CIT: variants seen among roughly 807,000 people sequenced by gnomAD.
CIT encodes the protein citron rho-interacting serine/threonine kinase.
Under a neutral mutation model 272.7 loss-of-function variants are expected in CIT, and 79 were observed. The observed-to-expected ratio is 0.29, with a 90% CI of 0.24 to 0.35. The LOEUF is 0.35. Among genes scored for constraint, CIT ranks in the 10% least tolerant of loss-of-function variants. The probability of loss-of-function intolerance (pLI) is 1.00; values close to 1 mark genes in which losing one functional copy is unlikely to be tolerated. For synonymous variants in CIT, 948 were observed against 995.6 expected (o/e 0.95, Z 0.90); for missense variants, 1,909 against 2,618.3 (o/e 0.73, Z 5.91).
chr12:119,745,949 T>G (rs1178939096), intron 23 of CIT, among the ~76,000 whole-genome samples: 1 of 152,196 alleles, frequency 6.6e-6, no homozygotes. Context: ...ATCTTAATTT[T>G]TTTTCTAAAA....
intron 15 of CIT, 112 bp downstream of exon 15, chr12:119,776,246 T>A (rs1174174390): frequency 2.5e-6 from 2 of 811,448 alleles, no homozygotes; most frequent in East Asian, 4.9e-5. Context: ...CGAAGAGAGG[T>A]CTCTATTCAT....
At chr12:119,738,610 G>A (rs1376430414) in intron 24 of CIT, among the ~76,000 whole-genome samples, 3 of 152,034 alleles carry the variant, frequency 2.0e-5, no homozygotes, top group Non-Finnish European at 2.9e-5. Context: ...TAAGCTGGAC[G>A]TGGTGGCTCA....
intron 23 of CIT, among the ~76,000 whole-genome samples, chr12:119,748,271 G>A (rs946090599): frequency 6.6e-6 from 1 of 152,230 alleles, no homozygotes; most frequent in East Asian, 1.9e-4. Context: ...TGGACGGACA[G>A]GTTGCAGCCA....
chr12:119,729,069 A>G (rs1250193331), intron 27 of CIT, among the ~76,000 whole-genome samples: 1 of 152,238 alleles, frequency 6.6e-6, no homozygotes, highest in African/African-American at 2.4e-5. Context: ...GGCTTGGGAA[A>G]GAAATTCAAC....
intron 4 of CIT, among the ~76,000 whole-genome samples, chr12:119,851,685 C>T (rs1970230030): frequency 1.3e-5 from 2 of 152,124 alleles, no homozygotes; most frequent in Non-Finnish European, 2.9e-5. Context: ...AATCCAAGTC[C>T]ACATAGATAT....
chr12:119,739,381 C>T (rs1368659855), intron 24 of CIT, among the ~76,000 whole-genome samples: 1 of 152,050 alleles, frequency 6.6e-6, no homozygotes, highest in African/African-American at 2.4e-5. Flanking sequence ...GAGCTCCTAT[C>T]AATTGAGTTA....
In CIT at chr12:119,825,472, A is replaced by G. The variant is rs1968085623; in HGVS notation, c.754-104T>C. On this transcript the variant is annotated intron_variant, in intron 7 of 47. Coordinates refer to ENST00000392521, the MANE Select transcript of CIT (RefSeq NM_001206999.2). Reference sequence around the variant, plus strand: ...ACAAGCTGATTTGCCACTGATTACTATTCTCCCAGGCACTTAAACCAGCTG... The same window carrying G: ...ACAAGCTGATTTGCCACTGATTACTGTTCTCCCAGGCACTTAAACCAGCTG... The G allele has an allele frequency of 2.9e-6, 3 of 1,044,138 alleles. No individual in the cohort carries two copies. The African/African-American group carries it at 4.7e-5, about 17-fold the overall frequency. The allele number at this position is 1,044,138 out of a possible 1,614,324, so 64.7% of individuals were successfully genotyped here.
At chr12:119,699,315 C>A (rs7312947) in intron 44 of CIT, among the ~76,000 whole-genome samples, 6,337 of 150,878 alleles carry the variant, frequency 0.042, 437 homozygotes, top group African/African-American at 0.15. Context: ...GGGTTCACAG[C>A]TATTTAGACA....
chr12:119,794,562 A>G (rs1428443621), intron 10 of CIT, among the ~76,000 whole-genome samples: 1 of 152,232 alleles, frequency 6.6e-6, no homozygotes, highest in African/African-American at 2.4e-5. Context: ...GAACATGCAC[A>G]CTTCCCACTG....
chr12:119,854,371 C>T (rs1970435858), intron 4 of CIT, among the ~76,000 whole-genome samples: 1 of 151,690 alleles, frequency 6.6e-6, no homozygotes, highest in African/African-American at 2.4e-5. Context: ...GCCACAGTGG[C>T]TCACGCCTGT....
intron 2 of CIT, among the ~76,000 whole-genome samples, chr12:119,874,730 C>CA (rs1395846239): frequency 1.3e-5 from 2 of 151,644 alleles, no homozygotes; most frequent in South Asian, 2.1e-4. Flanking sequence ...ACTAAAAATA[C>CA]AAAAAATTAG....
At chr12:119,755,114 C>T (rs75395396) in intron 22 of CIT, among the ~76,000 whole-genome samples, 8,902 of 152,176 alleles carry the variant, frequency 0.058, 418 homozygotes, top group African/African-American at 0.13. Context: ...TTGGAGGCCA[C>T]GGAGGGAGGA....
chr12:119,828,691 T>C (rs977089386), intron 7 of CIT, among the ~76,000 whole-genome samples: 4 of 152,022 alleles, frequency 2.6e-5, no homozygotes, highest in African/African-American at 7.2e-5. Flanking sequence ...GCCTCCCGAA[T>C]AGCTGGGACT....
chr12:119,867,710 CCAACTAGCTCTGA>C (rs1013468752), intron 3 of CIT, among the ~76,000 whole-genome samples: 4 of 152,040 alleles, frequency 2.6e-5, no homozygotes, highest in Non-Finnish European at 5.9e-5. Context: ...ACCACCACCC[CCAACTAGCTCTGA>C]CAACCGAAAA....
In CIT at chr12:119,690,281, T is replaced by C; in HGVS notation, c.6056A>G (p.Glu2019Gly). 1 of 1,584,454 alleles carries C rather than the reference T, an allele frequency of 6.3e-7. No homozygotes were observed. The highest frequency in any genetic ancestry group is 8.5e-7 in the Non-Finnish European group (1 of 1,173,870). Residue 2019 changes from glutamate (E) to glycine (G), a missense_variant, in exon 47 of 48, where the codon GAG (glutamate) becomes GGG (glycine). Glu to Gly is a moderately conservative substitution (Grantham distance 98). Coordinates refer to ENST00000392521, the MANE Select transcript of CIT (RefSeq NM_001206999.2). This position sits in a 1 kb window ranked among gnomAD's most constrained non-coding sequence, Gnocchi z 6.0. ...CATCCGGCCGGGGGACTTCTCTCGC[T>C]CCAGGGGGCGGCCAGGAGACTTGTC... ...RRDKSPGRPL[E>G]REKSPGRMLS...
At chr12:119,736,307 C>T (rs1958750639) in intron 24 of CIT, among the ~76,000 whole-genome samples, 1 of 152,136 alleles carries the variant, frequency 6.6e-6, no homozygotes, top group Admixed American at 6.5e-5. Context: ...AATTTTCAAA[C>T]CTAGAGTCGA....
intron 27 of CIT, among the ~76,000 whole-genome samples, chr12:119,729,887 A>T (rs1227159491): frequency 2.6e-5 from 4 of 152,228 alleles, no homozygotes; most frequent in African/African-American, 4.8e-5. Context: ...TCTGATCTTC[A>T]CTTTGGTGAT....
intron 16 of CIT, among the ~76,000 whole-genome samples, chr12:119,773,828 A>G (rs186108908): frequency 6.6e-6 from 1 of 152,328 alleles, no homozygotes; most frequent in African/African-American, 2.4e-5. Context: ...GCAGAGTTCT[A>G]GATGGAGACA....
chr12:119,742,354 T>C, intron 24 of CIT, 57 bp downstream of exon 24: 1 of 1,279,688 alleles, frequency 7.8e-7, no homozygotes, highest in Non-Finnish European at 1.1e-6. Context: ...CGTCCCCTTT[T>C]CCTCCTCTGT....
Sources: gnomAD v4.1 joint callset for allele counts (sites outside exome capture counted in the v4.1 genomes callset) on GRCh38, gnomAD v4.1.1 for gene constraint, Gnocchi (gnomAD v3.1) non-coding constraint, MANE v1.5 for transcripts, NCBI Gene and HGNC (gene_info 2026-07-23, HGNC 2026-07-21) for gene names.